The following EPHA3 variants were observed in gnomAD, a reference collection of about 807,000 sequenced individuals.
EPHA3 encodes ephrin type-A receptor 3.
In EPHA3, 42 loss-of-function variants were observed where a neutral mutation model predicts 107.1. The ratio of observed to expected loss-of-function variants is 0.39; its 90% CI spans 0.31 to 0.51. EPHA3 has a LOEUF of 0.51. Among genes scored for constraint, EPHA3 ranks in the 20% least tolerant of loss-of-function variants. EPHA3 has a pLI of 0.78. For missense variants in EPHA3, 1,183 were observed against 1,211.2 expected (o/e 0.98, Z 0.35); for synonymous variants, 461 against 424.8 (o/e 1.09, Z -1.05).
At chr3:89,443,727 G>T (rs1412706262) in intron 13 of EPHA3, among the ~76,000 whole-genome samples, 4 of 152,114 alleles carry the variant, frequency 2.6e-5, no homozygotes, top group African/African-American at 4.8e-5. Context: ...TAAACTGGGG[G>T]AATACAGTGG....
chr3:89,324,965 G>T (rs1188320088), intron 3 of EPHA3, among the ~76,000 whole-genome samples: 1 of 152,098 alleles, frequency 6.6e-6, no homozygotes, highest in Non-Finnish European at 1.5e-5. Context: ...TTGGTTTTCT[G>T]TTCCTGCCTA....
chr3:89,174,812 A>C lies in EPHA3; in HGVS notation c.154-35048A>C, dbSNP rs551470433. Among the ~76,000 whole-genome samples, 14 of 152,120 alleles carry C rather than the reference A, an allele frequency of 9.2e-5. No individual in the cohort carries two copies. In the South Asian group the frequency reaches 2.5e-3, roughly 27 times the overall value. ...GCTTTGGAAAGAATTTATACTAATC[A>C]ATTTAATAGGATATAAATAATTATA... On this transcript the variant is annotated intron_variant, in intron 2 of 16. Transcript: ENST00000336596.
chr3:89,162,234 T>A (rs6551397), intron 2 of EPHA3, among the ~76,000 whole-genome samples: 122,065 of 151,868 alleles, frequency 0.8, 49,099 homozygotes, highest in Admixed American at 0.86. Context: ...ATTAGGTAAT[T>A]TGGTGTCCTG....
chr3:89,175,069 ATTT>A (rs11425521), intron 2 of EPHA3, among the ~76,000 whole-genome samples: 4 of 138,634 alleles, frequency 2.9e-5, no homozygotes, highest in Admixed American at 7.3e-5. Context: ...AAGTGATAGC[ATTT>A]TTTTTTTTTT....
chr3:89,365,444 C>A (rs1470788039), intron 5 of EPHA3, among the ~76,000 whole-genome samples: 1 of 150,498 alleles, frequency 6.6e-6, no homozygotes, highest in Non-Finnish European at 1.5e-5. Context: ...AAACATAATG[C>A]AAATAAAGGG....
chr3:89,146,956 A>C (rs1162216318), intron 2 of EPHA3, among the ~76,000 whole-genome samples: 1 of 151,912 alleles, frequency 6.6e-6, no homozygotes, highest in Non-Finnish European at 1.5e-5. Context: ...TCAATGATAG[A>C]CTGGATAAGG....
chr3:89,196,834 C>A (rs1705847035), intron 2 of EPHA3, among the ~76,000 whole-genome samples: 1 of 152,134 alleles, frequency 6.6e-6, no homozygotes, highest in African/African-American at 2.4e-5. Flanking sequence ...CAACACTTTT[C>A]TCTCATGTCC....
intron 2 of EPHA3, among the ~76,000 whole-genome samples, chr3:89,136,256 C>T (rs1263833984): frequency 7.0e-6 from 1 of 143,526 alleles, no homozygotes; most frequent in South Asian, 2.2e-4. Flanking sequence ...AAGTATGTCA[C>T]TTTCACCTAT....
At position 89,399,492 on chromosome 3, in the gene EPHA3, T is replaced by A. The variant is rs1369125070; in HGVS notation, c.1594+12T>A. 5.0e-6 allele frequency: 8 copies of A among 1,613,698 alleles called. No individual in the cohort carries two copies. The highest frequency in any genetic ancestry group is 6.8e-6 in the Non-Finnish European group (8 of 1,179,670). On this transcript the variant is annotated intron_variant, in intron 7 of 16. Transcript: ENST00000336596. ...AACTAGTCCAGACTGTATGTATTATTTCAATGCAGTCTAGAGGAGGGGGCA... is the reference window on the plus strand; with the variant it reads ...AACTAGTCCAGACTGTATGTATTATATCAATGCAGTCTAGAGGAGGGGGCA...
At chr3:89,264,331 G>T (rs1301527836) in intron 3 of EPHA3, among the ~76,000 whole-genome samples, 2 of 152,112 alleles carry the variant, frequency 1.3e-5, no homozygotes, top group Non-Finnish European at 1.5e-5. Context: ...GTGAAACCCA[G>T]TAGGGAAAAT....
Position 89,357,106 on chromosome 3 carries a change from C to CAAAAAAAAAA in EPHA3, c.1306+15037_1306+15046dup, listed in dbSNP as rs56717904. Among the ~76,000 whole-genome samples the CAAAAAAAAAA allele has an allele frequency of 1.1e-3, 18 of 16,000 alleles. 1 individual carries two copies. The highest frequency in any genetic ancestry group is 3.0e-3 in the African/African-American group (14 of 4,708). 10.5% of individuals were successfully genotyped at this position (16,000 alleles called of 152,430 possible). ...CTGGTGAAAGAGTGAGACCCTGTCT[C>CAAAAAAAAAA]AAAAAAAAAAAAAAAAAAAAAAAAA... is the stretch of plus-strand genomic sequence containing the variant. On this transcript the variant is annotated intron_variant, in intron 5 of 16. Transcript: ENST00000336596.
intron 5 of EPHA3, among the ~76,000 whole-genome samples, chr3:89,395,447 G>A (rs1708829815): frequency 1.3e-5 from 2 of 152,100 alleles, no homozygotes; most frequent in East Asian, 3.9e-4. Flanking sequence ...TGAAGAATCT[G>A]GCATTAATAA....
intron 8 of EPHA3, 22 bp from the exon 9 acceptor site, chr3:89,408,045 G>A (rs1484295549): frequency 2.5e-6 from 4 of 1,610,340 alleles, no homozygotes; most frequent in African/African-American, 1.3e-5. Flanking sequence ...TTATGTGTTC[G>A]CTTTCCTTGA....
chr3:89,250,604 C>T (rs1438167507), intron 3 of EPHA3, among the ~76,000 whole-genome samples: 3 of 152,126 alleles, frequency 2.0e-5, no homozygotes, highest in Non-Finnish European at 4.4e-5. Flanking sequence ...CACTGCTACC[C>T]TGTGCTGACC....
At chr3:89,247,125 C>A (rs891717467) in intron 3 of EPHA3, among the ~76,000 whole-genome samples, 1 of 152,190 alleles carries the variant, frequency 6.6e-6, no homozygotes, top group Middle Eastern at 3.4e-3. Flanking sequence ...TCCCAGTCAT[C>A]ATTACCAAAA....
At chr3:89,282,928 T>C (rs550773580) in intron 3 of EPHA3, among the ~76,000 whole-genome samples, 1 of 152,268 alleles carries the variant, frequency 6.6e-6, no homozygotes, top group South Asian at 2.1e-4. Context: ...TTTGCCTTTA[T>C]TTCGTTGTAT....
intron 7 of EPHA3, among the ~76,000 whole-genome samples, chr3:89,403,123 A>G (rs1479526907): frequency 1.3e-5 from 2 of 152,120 alleles, no homozygotes; most frequent in African/African-American, 2.4e-5. Flanking sequence ...CAGAGCACAT[A>G]TTGTTTTCTA....
chr3:89,228,175 A>C (rs2107219532), intron 3 of EPHA3, among the ~76,000 whole-genome samples: 1 of 152,120 alleles, frequency 6.6e-6, no homozygotes, highest in Non-Finnish European at 1.5e-5. Flanking sequence ...TTAAACAATA[A>C]GAAAAATAGT....
At chr3:89,274,171 T>C (rs1053327800) in intron 3 of EPHA3, among the ~76,000 whole-genome samples, 4 of 141,312 alleles carry the variant, frequency 2.8e-5, no homozygotes, top group African/African-American at 1.1e-4. Flanking sequence ...AAATACAAAG[T>C]CCCCAAGTAA....
Sources: allele counts gnomAD v4.1 joint callset (sites outside exome capture counted in the v4.1 genomes callset), GRCh38; gene constraint gnomAD v4.1.1; transcripts MANE v1.5; gene names NCBI Gene and HGNC (gene_info 2026-07-23, HGNC 2026-07-21).